ADGRL3: variants seen among roughly 807,000 people sequenced by gnomAD.
ADGRL3 encodes the protein calcium-independent alpha-latrotoxin receptor 3.
Under a neutral mutation model 153.5 loss-of-function variants are expected in ADGRL3, and 62 were observed. That is an observed-to-expected ratio of 0.40 (90% CI 0.33 to 0.50). The LOEUF is 0.50. Ranked by LOEUF, ADGRL3 falls within the 20% of genes least tolerant of loss-of-function variation. The pLI, the probability that ADGRL3 is intolerant of heterozygous loss-of-function variation, is 0.47. For synonymous variants in ADGRL3, 710 were observed against 672.5 expected (o/e 1.06, Z -0.86); for missense variants, 1,641 against 1,859.4 (o/e 0.88, Z 2.16).
At chr4:61,290,934 G>A (rs752358527) in intron 1 of ADGRL3, among the ~76,000 whole-genome samples, 1 of 151,770 alleles carries the variant, frequency 6.6e-6, no homozygotes, top group Non-Finnish European at 1.5e-5. Context: ...AAAAATGAAG[G>A]AGCTATTAAA....
intron 13 of ADGRL3, among the ~76,000 whole-genome samples, chr4:61,932,610 C>T (rs1396038390): frequency 1.3e-5 from 2 of 152,066 alleles, no homozygotes; most frequent in Non-Finnish European, 2.9e-5. Flanking sequence ...CATCTGTATT[C>T]ATCAGGATAT....
At chr4:61,257,450 A>C (rs1025047442) in intron 1 of ADGRL3, among the ~76,000 whole-genome samples, 38 of 152,324 alleles carry the variant, frequency 2.5e-4, no homozygotes, top group African/African-American at 9.1e-4. Context: ...AAACCACAAT[A>C]ATCCTTTGGT....
intron 1 of ADGRL3, among the ~76,000 whole-genome samples, chr4:61,344,958 T>G (rs1341672598): frequency 6.6e-6 from 1 of 151,446 alleles, no homozygotes; most frequent in Non-Finnish European, 1.5e-5. Context: ...GGCTAATTTT[T>G]TTTTTTTTTT....
chr4:61,644,892 G>A (rs2093890277), intron 5 of ADGRL3, among the ~76,000 whole-genome samples: 1 of 151,958 alleles, frequency 6.6e-6, no homozygotes, highest in South Asian at 2.1e-4. Flanking sequence ...GGGTGTTAAA[G>A]TCTCCCATTA....
At chr4:61,717,447 G>A (rs1190986384) in intron 6 of ADGRL3, among the ~76,000 whole-genome samples, 1 of 152,128 alleles carries the variant, frequency 6.6e-6, no homozygotes, top group Non-Finnish European at 1.5e-5. Flanking sequence ...CTTGGAGCCA[G>A]ATTGTCTTAT....
At chr4:61,259,457 A>G (rs1291583194) in intron 1 of ADGRL3, among the ~76,000 whole-genome samples, 1 of 151,468 alleles carries the variant, frequency 6.6e-6, no homozygotes, top group Admixed American at 6.6e-5. Context: ...TAAATAAATA[A>G]ATAAATAAAT....
chr4:62,017,978 G>A (rs555687343), intron 21 of ADGRL3, among the ~76,000 whole-genome samples: 168 of 152,058 alleles, frequency 1.1e-3, no homozygotes, highest in African/African-American at 3.9e-3. Flanking sequence ...CCAGCCTCCC[G>A]GGTTCAAGTA....
intron 17 of ADGRL3, among the ~76,000 whole-genome samples, chr4:61,952,478 C>CA (rs35219845): frequency 0.045 from 2,983 of 66,198 alleles, 41 homozygotes; most frequent in Middle Eastern, 0.12. Flanking sequence ...GACCCTGTCT[C>CA]AAAAAAAAAA....
intron 2 of ADGRL3, among the ~76,000 whole-genome samples, chr4:61,451,302 C>T (rs1322879957): frequency 6.6e-6 from 1 of 152,052 alleles, no homozygotes; most frequent in Non-Finnish European, 1.5e-5. Flanking sequence ...TGATAAATTG[C>T]AGATGGTTTA....
chr4:61,904,085 A>C (rs2098681812), intron 11 of ADGRL3, among the ~76,000 whole-genome samples: 1 of 150,804 alleles, frequency 6.6e-6, no homozygotes, highest in African/African-American at 2.4e-5. Flanking sequence ...TATTTTTATA[A>C]CCTATTTCAC....
intron 1 of ADGRL3, among the ~76,000 whole-genome samples, chr4:61,369,295 C>A (rs1222564999): frequency 2.0e-5 from 3 of 152,156 alleles, no homozygotes; most frequent in African/African-American, 7.2e-5. Context: ...AGAGGGCATC[C>A]CTGTCTTATG....
At chr4:61,684,813 T>C (rs776495371) in intron 6 of ADGRL3, among the ~76,000 whole-genome samples, 1 of 152,162 alleles carries the variant, frequency 6.6e-6, no homozygotes, top group Non-Finnish European at 1.5e-5. Flanking sequence ...AAGGTTCACC[T>C]GAATAATTTT....
chr4:61,910,194 A>C (rs1410295240), intron 12 of ADGRL3, among the ~76,000 whole-genome samples: 2 of 151,996 alleles, frequency 1.3e-5, no homozygotes, highest in African/African-American at 4.8e-5. Context: ...CTCTATCATC[A>C]ATTATAGATG....
intron 22 of ADGRL3, 125 bp downstream of exon 22, chr4:62,029,006 G>A: frequency 1.3e-6 from 1 of 772,302 alleles, no homozygotes; most frequent in Non-Finnish European, 2.0e-6. Flanking sequence ...AGAGCAAACT[G>A]TGCAGGAAAA....
Position 62,010,422 on chromosome 4 carries a change from A to G in ADGRL3, c.3395+12157A>G, listed in dbSNP as rs966620020. 2.6e-5 allele frequency among the ~76,000 whole-genome samples: 4 copies of G among 152,082 alleles called. 1 individual carries two copies. In the South Asian group the frequency reaches 8.3e-4, roughly 32 times the overall value. ...AATCAGGTACGAAGAACAAATATTT[A>G]TTTTTTATTACACCATTTCACTCTT... On this transcript the variant is annotated intron_variant, in intron 21 of 26. Transcript: ENST00000683033.
At chr4:61,709,202 G>A (rs1195604084) in intron 6 of ADGRL3, among the ~76,000 whole-genome samples, 1 of 152,000 alleles carries the variant, frequency 6.6e-6, no homozygotes, top group Non-Finnish European at 1.5e-5. Context: ...TTTCTACCAC[G>A]TTGTATCAGC....
intron 8 of ADGRL3, among the ~76,000 whole-genome samples, chr4:61,783,266 A>G (rs186516760): frequency 1.1e-4 from 16 of 152,226 alleles, no homozygotes; most frequent in Admixed American, 9.2e-4. Context: ...ACTTTACCTT[A>G]TCCTTTTGTC....
intron 15 of ADGRL3, among the ~76,000 whole-genome samples, chr4:61,938,375 T>C (rs567905492): frequency 5.3e-5 from 8 of 152,326 alleles, no homozygotes; most frequent in Admixed American, 5.2e-4. Context: ...ATTACTATGA[T>C]TTGCTCAGTA....
intron 2 of ADGRL3, among the ~76,000 whole-genome samples, chr4:61,396,520 T>C (rs769137902): frequency 2.1e-4 from 32 of 151,982 alleles, no homozygotes; most frequent in Non-Finnish European, 3.8e-4. Flanking sequence ...GCTGAATGAT[T>C]GCCAACTTGA....
Sources: allele counts gnomAD v4.1 joint callset (sites outside exome capture counted in the v4.1 genomes callset), GRCh38; gene constraint gnomAD v4.1.1; transcripts MANE v1.5; gene names NCBI Gene and HGNC (gene_info 2026-07-23, HGNC 2026-07-21).